KHDRBS2: variants seen among roughly 807,000 people sequenced by gnomAD.
KHDRBS2 encodes the protein KH domain-containing, RNA-binding, signal transduction-associated protein 2.
KHDRBS2 carries 26 observed loss-of-function variants against 44.3 expected under a neutral mutation model. The ratio of observed to expected loss-of-function variants is 0.59; its 90% CI spans 0.43 to 0.81. The LOEUF (loss-of-function observed/expected upper bound fraction) is 0.81. Among genes scored for constraint, KHDRBS2 ranks in the 40% least tolerant of loss-of-function variants. The pLI, the probability that KHDRBS2 is intolerant of heterozygous loss-of-function variation, is 0.00. For missense variants in KHDRBS2, 476 were observed against 433.1 expected (o/e 1.10, Z -0.88); for synonymous variants, 194 against 151.1 (o/e 1.28, Z -2.08).
At chr6:62,236,320 T>G (rs1563111186) in intron 1 of KHDRBS2, among the ~76,000 whole-genome samples, 1 of 152,140 alleles carries the variant, frequency 6.6e-6, no homozygotes, top group East Asian at 1.9e-4. Context: ...TCTCAAAGTG[T>G]TATCTAGCAG....
intron 2 of KHDRBS2, among the ~76,000 whole-genome samples, chr6:62,134,868 C>CA (rs1216243532): frequency 6.6e-6 from 1 of 152,152 alleles, no homozygotes; most frequent in Admixed American, 6.5e-5. Context: ...TATATTTATA[C>CA]AACGCCTGTA....
rs572871242 is a variant in KHDRBS2 at position 62,075,157 on chromosome 6, T to C, written c.220-27163A>G. 2.1e-4 allele frequency among the ~76,000 whole-genome samples: 32 copies of C among 152,012 alleles called. 1 individual carries two copies. Among genetic ancestry groups the C allele is most frequent in the African/African-American group, 7.0e-4 (29 of 41,520 alleles). ...TTTGTGTCCTCCCAAAATTCATATG[T>C]TGAAACCTAACCTCCAAGGTGATGG... On this transcript the variant is annotated intron_variant, in intron 2 of 8. Transcript: ENST00000281156.
intron 4 of KHDRBS2, among the ~76,000 whole-genome samples, chr6:61,919,605 A>G (rs1807665335): frequency 6.6e-6 from 1 of 151,932 alleles, no homozygotes; most frequent in African/African-American, 2.4e-5. Flanking sequence ...CATGACTACA[A>G]CATGGTCTTT....
At chr6:62,157,021 C>A (rs1816589430) in intron 2 of KHDRBS2, among the ~76,000 whole-genome samples, 1 of 150,040 alleles carries the variant, frequency 6.7e-6, no homozygotes, top group African/African-American at 2.4e-5. Flanking sequence ...GAAATTAATA[C>A]TTTTTCCATT....
intron 4 of KHDRBS2, among the ~76,000 whole-genome samples, chr6:61,977,081 CT>C (rs1489918092): frequency 2.0e-5 from 3 of 152,008 alleles, no homozygotes; most frequent in African/African-American, 7.2e-5. Flanking sequence ...CTTTTAAATT[CT>C]TGAAATTCTC....
the KHDRBS2 span, among the ~76,000 whole-genome samples, chr6:61,632,925 C>G: frequency 6.6e-6 from 1 of 152,084 alleles, no homozygotes; most frequent in Non-Finnish European, 1.5e-5. Context: ...TCAGTTACCT[C>G]TTTTGAAGTA....
intron 2 of KHDRBS2, among the ~76,000 whole-genome samples, chr6:62,116,744 C>G (rs1223984532): frequency 6.6e-6 from 1 of 152,082 alleles, no homozygotes; most frequent in South Asian, 2.1e-4. Context: ...ATGCCAGTCT[C>G]TCTTCATTTT....
chr6:62,198,558 AG>A (rs1310532349), intron 1 of KHDRBS2, among the ~76,000 whole-genome samples: 1 of 152,188 alleles, frequency 6.6e-6, no homozygotes, highest in Non-Finnish European at 1.5e-5. Flanking sequence ...TCTCTTGAAT[AG>A]ACCAATAAAG....
intron 6 of KHDRBS2, among the ~76,000 whole-genome samples, chr6:61,735,718 C>T (rs1174955208): frequency 6.6e-6 from 1 of 152,046 alleles, no homozygotes; most frequent in Non-Finnish European, 1.5e-5. Context: ...AAGAATGTTA[C>T]ATATGTGATA....
At chr6:61,904,033 T>C (rs1261683354) in intron 4 of KHDRBS2, among the ~76,000 whole-genome samples, 6 of 152,262 alleles carry the variant, frequency 3.9e-5, no homozygotes, top group East Asian at 1.9e-4. Context: ...GTGGTTTGTT[T>C]TGTGCAAAAG....
At chr6:61,719,272 T>G (rs1343165973) in intron 7 of KHDRBS2, among the ~76,000 whole-genome samples, 1 of 152,186 alleles carries the variant, frequency 6.6e-6, no homozygotes, top group African/African-American at 2.4e-5. Context: ...TCTTTTGGCT[T>G]TTATTTGCAA....
intron 6 of KHDRBS2, among the ~76,000 whole-genome samples, chr6:61,784,550 T>A (rs770734855): frequency 7.2e-5 from 11 of 152,092 alleles, no homozygotes; most frequent in Non-Finnish European, 1.5e-4. Context: ...TGGTATGAAA[T>A]ACATCTTCCA....
intron 4 of KHDRBS2, among the ~76,000 whole-genome samples, chr6:61,973,668 C>T (rs1771895958): frequency 6.6e-6 from 1 of 152,062 alleles, no homozygotes; most frequent in African/African-American, 2.4e-5. Context: ...AGTCTAGTAA[C>T]AGTTACACAC....
At chr6:62,142,494 G>A (rs1216274214) in intron 2 of KHDRBS2, among the ~76,000 whole-genome samples, 6 of 151,962 alleles carry the variant, frequency 3.9e-5, no homozygotes, top group Admixed American at 2.0e-4. Flanking sequence ...TTCGTTTTAC[G>A]TGCAAATGTG....
the KHDRBS2 span, among the ~76,000 whole-genome samples, chr6:61,563,045 C>T: frequency 6.6e-6 from 1 of 152,206 alleles, no homozygotes; most frequent in Non-Finnish European, 1.5e-5. Flanking sequence ...CTATCACCAC[C>T]TTTGTCAAGA....
the KHDRBS2 span, among the ~76,000 whole-genome samples, chr6:61,634,321 C>T: frequency 6.6e-6 from 1 of 151,402 alleles, no homozygotes; most frequent in Non-Finnish European, 1.5e-5. Context: ...CACTTCCAGT[C>T]TAAAGCCACA....
chr6:61,601,618 A>G, the KHDRBS2 span, among the ~76,000 whole-genome samples: 1 of 151,914 alleles, frequency 6.6e-6, no homozygotes, highest in South Asian at 2.1e-4. Flanking sequence ...TTCCCAATGC[A>G]ACTCATCCCA....
At chr6:62,157,184 T>C (rs910726874) in intron 2 of KHDRBS2, among the ~76,000 whole-genome samples, 6 of 151,236 alleles carry the variant, frequency 4.0e-5, no homozygotes, top group Non-Finnish European at 8.9e-5. Flanking sequence ...TGAAACCCCG[T>C]CTCTACTAAA....
intron 4 of KHDRBS2, among the ~76,000 whole-genome samples, chr6:61,927,514 A>C (rs1809205420): frequency 6.6e-6 from 1 of 152,134 alleles, no homozygotes; most frequent in African/African-American, 2.4e-5. Flanking sequence ...CGTAGTCTCC[A>C]AGTCAACTAT....
Sources: gnomAD v4.1 joint callset for allele counts (sites outside exome capture counted in the v4.1 genomes callset) on GRCh38, gnomAD v4.1.1 for gene constraint, MANE v1.5 for transcripts, NCBI Gene and HGNC (gene_info 2026-07-23, HGNC 2026-07-21) for gene names.